Variants in SDK1 observed in about 807,000 individuals in gnomAD.
The protein encoded by SDK1 is protein sidekick-1.
SDK1 carries 157 observed loss-of-function variants against 245.5 expected under a neutral mutation model. The observed-to-expected ratio is 0.64, with a 90% confidence interval of 0.56 to 0.73. SDK1 has a LOEUF of 0.73. Among genes scored for constraint, SDK1 ranks in the 30% least tolerant of loss-of-function variants. The pLI is 0.00. For missense variants in SDK1, 3,583 were observed against 3,002.3 expected (o/e 1.19, Z -4.52); for synonymous variants, 1,647 against 1,278.5 (o/e 1.29, Z -6.15).
intron 4 of SDK1, among the ~76,000 whole-genome samples, chr7:3,664,068 G>T (rs1783450502): frequency 3.3e-5 from 5 of 152,008 alleles, no homozygotes; most frequent in Admixed American, 1.3e-4. Flanking sequence ...TTCTTTTTCT[G>T]GACAACATTC....
intron 5 of SDK1, among the ~76,000 whole-genome samples, chr7:3,929,040 G>C (rs1779881020): frequency 6.6e-6 from 1 of 152,244 alleles, no homozygotes; most frequent in African/African-American, 2.4e-5. Context: ...GGACACATCA[G>C]ACACAGTTAG....
intron 22 of SDK1, among the ~76,000 whole-genome samples, chr7:4,093,452 GGAAAGCAA>G: frequency 1.0e-5 from 1 of 99,350 alleles, no homozygotes; most frequent in Non-Finnish European, 1.9e-5. Context: ...TTCTGAAAAT[GGAAAGCAA>G]AAAAAAAAAA....
intron 1 of SDK1, among the ~76,000 whole-genome samples, chr7:3,588,292 T>C (rs190139987): frequency 6.6e-6 from 1 of 152,236 alleles, no homozygotes; most frequent in Non-Finnish European, 1.5e-5. Context: ...ACGTTATATT[T>C]TCAGAAGCAT....
At chr7:3,886,823 A>G (rs1452588239) in intron 5 of SDK1, among the ~76,000 whole-genome samples, 1 of 152,150 alleles carries the variant, frequency 6.6e-6, no homozygotes, top group African/African-American at 2.4e-5. Context: ...GGCTAAGGCA[A>G]GAGGATCACT....
chr7:3,403,439 G>A (rs894341931), intron 1 of SDK1, among the ~76,000 whole-genome samples: 1 of 151,934 alleles, frequency 6.6e-6, no homozygotes, highest in African/African-American at 2.4e-5. Flanking sequence ...ACTATTTGAT[G>A]GTGTTTTTTG....
chr7:3,939,101 C>T (rs574105050), intron 5 of SDK1, among the ~76,000 whole-genome samples: 1 of 152,220 alleles, frequency 6.6e-6, no homozygotes, highest in Non-Finnish European at 1.5e-5. Flanking sequence ...CTCTCTTTCC[C>T]TTTCCCTCCC....
chr7:3,745,909 A>G (rs552344805), intron 4 of SDK1, among the ~76,000 whole-genome samples: 18 of 152,200 alleles, frequency 1.2e-4, no homozygotes, highest in Middle Eastern at 3.2e-3. Context: ...AAGAACATAC[A>G]CTCTGAAGCC....
chr7:4,014,413 C>T (rs953046498), intron 16 of SDK1, among the ~76,000 whole-genome samples: 1 of 152,268 alleles, frequency 6.6e-6, no homozygotes, highest in East Asian at 1.9e-4. Flanking sequence ...GTGCAGTACC[C>T]TAGGCCTGTG....
intron 36 of SDK1, among the ~76,000 whole-genome samples, chr7:4,207,822 G>A (rs528884468): frequency 6.6e-6 from 1 of 152,238 alleles, no homozygotes; most frequent in East Asian, 1.9e-4. Context: ...CTTCAACAGC[G>A]CTTTGTTTAA....
intron 41 of SDK1, among the ~76,000 whole-genome samples, chr7:4,234,640 C>G (rs991013714): frequency 1.3e-5 from 2 of 152,188 alleles, no homozygotes; most frequent in Non-Finnish European, 2.9e-5. Context: ...GTGAGGGACT[C>G]AACCCTGGCC....
chr7:3,749,806 C>T (rs1035304593), intron 4 of SDK1, among the ~76,000 whole-genome samples: 1 of 152,052 alleles, frequency 6.6e-6, no homozygotes, highest in African/African-American at 2.4e-5. Flanking sequence ...CCCTACAAAT[C>T]CCAAGGCAGA....
intron 17 of SDK1, among the ~76,000 whole-genome samples, chr7:4,024,383 AAG>A (rs10573883): frequency 0.31 from 46,842 of 151,972 alleles, 7,846 homozygotes; most frequent in African/African-American, 0.46. Context: ...CAAGCCCTAC[AAG>A]ACTTTCTAGA....
intron 1 of SDK1, among the ~76,000 whole-genome samples, chr7:3,521,341 T>C (rs1380864591): frequency 1.3e-5 from 2 of 152,286 alleles, no homozygotes; most frequent in Middle Eastern, 3.4e-3. Context: ...TTTTGCTTTG[T>C]AAAGTAACAG....
intron 5 of SDK1, among the ~76,000 whole-genome samples, chr7:3,892,641 A>G (rs1450163730): frequency 1.3e-5 from 2 of 152,174 alleles, no homozygotes; most frequent in Admixed American, 6.5e-5. Context: ...GAGAGTCACC[A>G]TGCCTCAAAT....
chr7:4,241,225 C>G (rs1257613132), intron 42 of SDK1, among the ~76,000 whole-genome samples: 1 of 152,178 alleles, frequency 6.6e-6, no homozygotes, highest in Non-Finnish European at 1.5e-5. Context: ...GCTCTGTACC[C>G]TTTCTTTAGC....
intron 1 of SDK1, among the ~76,000 whole-genome samples, chr7:3,393,673 C>A (rs1330790315): frequency 1.3e-5 from 2 of 152,150 alleles, no homozygotes; most frequent in Admixed American, 1.3e-4. Context: ...CATTTTTCAA[C>A]TCCAGAATTT....
chr7:3,747,299 CT>C (rs1460925261), intron 4 of SDK1, among the ~76,000 whole-genome samples: 1 of 152,162 alleles, frequency 6.6e-6, no homozygotes, highest in Non-Finnish European at 1.5e-5. Context: ...ATAGGCAAGT[CT>C]TTAGAAAATA....
intron 3 of SDK1, 47 bp from the exon 4 acceptor site, chr7:3,641,911 C>T (rs746829348): frequency 1.2e-5 from 19 of 1,554,732 alleles, no homozygotes; most frequent in African/African-American, 5.5e-5. Flanking sequence ...CCTTCCCTCC[C>T]CCAAAAATGT....
chr7:4,092,276 G>T (rs1424089455), intron 22 of SDK1, among the ~76,000 whole-genome samples: 1 of 152,178 alleles, frequency 6.6e-6, no homozygotes, highest in Non-Finnish European at 1.5e-5. Context: ...GAGGCTGTCT[G>T]TGGCTCTGTC....
Sources: gnomAD v4.1 joint callset for allele counts (sites outside exome capture counted in the v4.1 genomes callset) on GRCh38, gnomAD v4.1.1 for gene constraint, MANE v1.5 for transcripts, NCBI Gene and HGNC (gene_info 2026-07-23, HGNC 2026-07-21) for gene names.